COL5A3: variants seen among roughly 807,000 people sequenced by gnomAD.
COL5A3 encodes collagen type V alpha 3 chain, also known as collagen alpha-3(V) chain.
A neutral mutation model predicts 250.0 loss-of-function variants in COL5A3; 172 were observed. The ratio of observed to expected loss-of-function variants is 0.69; its 90% CI spans 0.61 to 0.78. COL5A3 has a LOEUF of 0.78. Among genes scored for constraint, COL5A3 ranks in the 30% least tolerant of loss-of-function variants. The probability of loss-of-function intolerance (pLI) is 0.00; values close to 1 mark genes in which losing one functional copy is unlikely to be tolerated. For synonymous variants in COL5A3, 937 were observed against 900.4 expected, an observed-to-expected ratio of 1.04 and a Z score of -0.73; for missense variants, 2,340 against 2,334.4, an observed-to-expected ratio of 1.00 and a Z score of -0.05.
At chr19:9,996,410 C>A (rs373051403) in intron 13 of COL5A3, 23 bp downstream of exon 13, 78 of 1,612,376 alleles carry the variant, frequency 4.8e-5, no homozygotes, top group Non-Finnish European at 6.1e-5. Context: ...GTTCCTCCCA[C>A]TATGTCCACA....
Position 9,996,456 on chromosome 19 carries a change from G to A in COL5A3, c.1399C>T (p.Gln467Ter), listed in dbSNP as rs980115743. ...PPVSFQQAQA[Q>*]AVLQQTQLSM... ...ACCTGAGTCTGCTGCAGAACTGCCT[G>A]AGCCTGGGCCTGCTGGAATGAGACT... Residue 467 changes from glutamine (Q) to a stop codon, truncating the protein, a stop_gained, in exon 13 of 67, where the codon CAG becomes TAG. Transcript: ENST00000264828. LOFTEE classifies it high-confidence loss of function. The A allele has an allele frequency of 3.1e-6, 5 of 1,613,938 alleles. No individual in the cohort carries two copies. The highest frequency in any genetic ancestry group is 4.2e-6 in the Non-Finnish European group (5 of 1,180,018).
chr19:9,984,142 G>C (rs1414198519), intron 31 of COL5A3, among the ~76,000 whole-genome samples: 1 of 151,854 alleles, frequency 6.6e-6, no homozygotes, highest in African/African-American at 2.4e-5. Flanking sequence ...TCCTGCCTCA[G>C]CCTCCATGTA....
At chr19:9,980,568 C>A in intron 35 of COL5A3, 80 bp downstream of exon 35, 1 of 1,548,784 alleles carries the variant, frequency 6.5e-7, no homozygotes. Flanking sequence ...CTCTTCATCT[C>A]TTGGGTTTGT....
chr19:9,996,742 G>A (rs1015022096), intron 11 of COL5A3, 53 bp from the exon 12 acceptor site: 2 of 1,435,598 alleles, frequency 1.4e-6, no homozygotes, highest in South Asian at 2.6e-5. Context: ...GGGAGAGAGA[G>A]AGCGAGGACA....
At position 9,998,053 on chromosome 19, in the gene COL5A3, C is replaced by T. The variant is rs758551824; in HGVS notation, c.1159-28G>A. ...GAAGGGAGAAGTGAGTGTCGGTGAC[C>T]GCTGTCATCATGAAGCCTCTCAACC... is the stretch of plus-strand genomic sequence containing the variant. On this transcript the variant is annotated intron_variant, in intron 9 of 66. Transcript: ENST00000264828. 1.3e-5 allele frequency: 21 copies of T among 1,613,806 alleles called. No homozygotes were observed. The Admixed American group carries it at 1.3e-4, about 10-fold the overall frequency.
At chr19:9,983,604 AAG>A (rs1157519587) in intron 31 of COL5A3, among the ~76,000 whole-genome samples, 10 of 99,844 alleles carry the variant, frequency 1.0e-4, no homozygotes, top group Admixed American at 3.7e-4. Context: ...AAGAAAGAGA[AAG>A]AGAGAGAGAG....
chr19:9,989,639 C>T (rs2087158011), intron 24 of COL5A3, 117 bp from the exon 25 acceptor site: 1 of 917,800 alleles, frequency 1.1e-6, no homozygotes, highest in South Asian at 1.9e-5. Flanking sequence ...ACCTCACTGG[C>T]CAGGAAATCT....
At chr19:10,007,033 C>G (rs1001310944) in intron 1 of COL5A3, among the ~76,000 whole-genome samples, 2 of 150,136 alleles carry the variant, frequency 1.3e-5, no homozygotes, top group Non-Finnish European at 3.0e-5. Context: ...CTGACTTTCC[C>G]CTCTGACCTC....
At chr19:9,992,465 G>T (rs2087208708) in intron 21 of COL5A3, among the ~76,000 whole-genome samples, 1 of 151,596 alleles carries the variant, frequency 6.6e-6, no homozygotes, top group Non-Finnish European at 1.5e-5. Flanking sequence ...AACAGATATG[G>T]ACATGCAGAA....
In COL5A3 at chr19:9,968,770, A is replaced by G; in HGVS notation, c.4153-42T>C. Reference sequence around the variant, plus strand: ...GGTCAGTTAGGGATTCTCAAATGTGAACTCGAGGTCTGTGTGGGTGGTTAG... The same window carrying G: ...GGTCAGTTAGGGATTCTCAAATGTGGACTCGAGGTCTGTGTGGGTGGTTAG... On this transcript the variant is annotated intron_variant, in intron 57 of 66. Coordinates refer to ENST00000264828, the MANE Select transcript of COL5A3 (RefSeq NM_015719.4). This position sits in a 1 kb window ranked among gnomAD's most constrained non-coding sequence, Gnocchi z 4.1. 1 of 1,565,846 alleles carries G rather than the reference A, an allele frequency of 6.4e-7. No individual in the cohort carries two copies. The highest frequency in any genetic ancestry group is 1.8e-5 in the Admixed American group (1 of 55,380).
chr19:9,993,359 C>T (rs764232806), intron 19 of COL5A3, 21 bp downstream of exon 19: 7 of 1,613,756 alleles, frequency 4.3e-6, no homozygotes, highest in Admixed American at 3.3e-5. Context: ...AAACCAGGCC[C>T]TAACTCTCTT....
rs561560266 is a variant in COL5A3, at chr19:9,960,894, G to C, written c.4852-4C>G. 6.2e-7 allele frequency: 1 copy of C among 1,602,386 alleles called. No individual in the cohort carries two copies. The highest frequency in any genetic ancestry group is 1.3e-5 in the African/African-American group (1 of 74,728). On this transcript the variant is annotated splice_region_variant and splice_polypyrimidine_tract_variant and intron_variant, in intron 65 of 66. Coordinates refer to ENST00000264828, the MANE Select transcript of COL5A3 (RefSeq NM_015719.4). ...CGTCGGCGTCCACGTAGGAGAACTG[G>C]TGAGAGGAGGGCAAGGCAGAGGATG...
rs34487347 is a variant in COL5A3 at position 9,963,553 on chromosome 19, G to GTTT, written c.4783-669_4783-667dup. On this transcript the variant is annotated intron_variant, in intron 64 of 66. Coordinates refer to ENST00000264828, the MANE Select transcript of COL5A3 (RefSeq NM_015719.4). ...ATAATAGGAGTGTGCCACCATGCCTGTTTTTTTTGGGGGGGGGGGCGGGTG... is the reference window on the plus strand; with the variant it reads ...ATAATAGGAGTGTGCCACCATGCCTGTTTTTTTTTTTGGGGGGGGGGGCGGGTG... 6.9e-3 allele frequency among the ~76,000 whole-genome samples: 458 copies of GTTT among 65,966 alleles called. 7 individuals are homozygous for GTTT. Among genetic ancestry groups the GTTT allele is most frequent in the African/African-American group, 0.027 (451 of 16,560 alleles). The allele number at this position is 65,966 out of a possible 152,430, so 43.3% of individuals were successfully genotyped here.
At chr19:9,980,187 C>T (rs547671442) in intron 35 of COL5A3, 140 bp from the exon 36 acceptor site, 10 of 828,750 alleles carry the variant, frequency 1.2e-5, no homozygotes, top group African/African-American at 8.8e-5. Context: ...CTCCACAAGT[C>T]AGTCATTTTA....
Position 9,998,964 on chromosome 19 carries a change from G to A in COL5A3, c.1111-815C>T, listed in dbSNP as rs554484343. Among the ~76,000 whole-genome samples the A allele has an allele frequency of 2.2e-3, 342 of 152,162 alleles. 1 individual carries two copies. Among genetic ancestry groups the A allele is most frequent in the African/African-American group, 7.7e-3 (318 of 41,536 alleles). ...CTCCCAAAGTGCTGGGATTACAGGC[G>A]TGAGCCACCATGCTTGGCTCCTTCC... On this transcript the variant is annotated intron_variant, in intron 8 of 66. Transcript: ENST00000264828.
chr19:9,964,072 C>T (rs1334986359), intron 64 of COL5A3, among the ~76,000 whole-genome samples: 2 of 152,112 alleles, frequency 1.3e-5, no homozygotes, highest in Non-Finnish European at 2.9e-5. Flanking sequence ...ACTCGGGAGG[C>T]TAAGGCAGGA....
chr19:9,985,901 G>T lies in COL5A3; in HGVS notation c.2353-6C>A, dbSNP rs2087092706. On this transcript the variant is annotated splice_polypyrimidine_tract_variant and splice_region_variant and intron_variant, in intron 30 of 66. Transcript: ENST00000264828. ...CCTGGCACCCCAAGCTTGCCCTGCA[G>T]AAAGGTTATGGGACAAAGGTCAGAA... 1.2e-6 allele frequency: 2 copies of T among 1,613,910 alleles called. No homozygotes were observed. The highest frequency in any genetic ancestry group is 1.7e-5 in the Admixed American group (1 of 59,974).
In COL5A3 at chr19:9,976,883, G is replaced by A. The variant is rs116788815; in HGVS notation, c.3289-272C>T. On this transcript the variant is annotated intron_variant, in intron 44 of 66. Transcript: ENST00000264828. The stretch of plus-strand genomic sequence containing the variant: ...ATGCAAGCCACTGGAGCTGACATTC[G>A]GGGTGGGGGGAAGTTGGGTATCAGA... Among the ~76,000 whole-genome samples, 1,084 of 152,082 alleles carry A rather than the reference G, an allele frequency of 7.1e-3. 11 individuals carry two copies. The highest frequency in any genetic ancestry group is 0.024 in the African/African-American group (1,015 of 41,448).
At chr19:10,000,452 CTTTTTTTT>C (rs576119335) in intron 8 of COL5A3, among the ~76,000 whole-genome samples, 5 of 62,762 alleles carry the variant, frequency 8.0e-5, no homozygotes, top group Admixed American at 2.1e-4. Context: ...CCAGAGAGCT[CTTTTTTTT>C]TTTTTTTTTT....
Sources: allele counts gnomAD v4.1 joint callset (sites outside exome capture counted in the v4.1 genomes callset), GRCh38; gene constraint gnomAD v4.1.1; non-coding constraint Gnocchi (gnomAD v3.1); transcripts MANE v1.5; gene names NCBI Gene and HGNC (gene_info 2026-07-23, HGNC 2026-07-21).